JMJD1C: variants seen among roughly 807,000 people sequenced by gnomAD.
JMJD1C encodes jumonji domain-containing protein 1C.
In JMJD1C, 31 loss-of-function variants were observed where a neutral mutation model predicts 245.3. The observed-to-expected ratio is 0.13, with a 90% confidence interval of 0.09 to 0.17. The LOEUF (loss-of-function observed/expected upper bound fraction) is 0.17. Among genes scored for constraint, JMJD1C ranks in the 10% least tolerant of loss-of-function variants. The probability of loss-of-function intolerance (pLI) is 1.00; values close to 1 mark genes in which losing one functional copy is unlikely to be tolerated. For missense variants in JMJD1C, 2,691 were observed against 3,000.2 expected (o/e 0.90, Z 2.41); for synonymous variants, 1,057 against 1,017.4 (o/e 1.04, Z -0.74).
At chr10:63,458,731 A>ATTTAT (rs1554944508) in intron 1 of JMJD1C, among the ~76,000 whole-genome samples, 25,824 of 145,248 alleles carry the variant, frequency 0.18, 3,568 homozygotes, top group East Asian at 0.58. Context: ...TTATTTATTT[A>ATTTAT]TTTTTTTTTT....
intron 8 of JMJD1C, among the ~76,000 whole-genome samples, chr10:63,209,829 A>G (rs1239337198): frequency 6.6e-6 from 1 of 152,214 alleles, no homozygotes; most frequent in Admixed American, 6.5e-5. Flanking sequence ...ATACATCAAT[A>G]TGCTGCCTGT....
At chr10:63,184,218 C>G (rs1331199780) in intron 21 of JMJD1C, among the ~76,000 whole-genome samples, 2 of 149,978 alleles carry the variant, frequency 1.3e-5, no homozygotes, top group Non-Finnish European at 3.0e-5. Flanking sequence ...CATGGGCCAC[C>G]ACGCCCATCC....
chr10:63,509,314 G>A (rs1485844418), intron 1 of JMJD1C, among the ~76,000 whole-genome samples: 3 of 152,144 alleles, frequency 2.0e-5, no homozygotes, highest in African/African-American at 7.2e-5. Flanking sequence ...TACATTTTTG[G>A]ATCAAATTTG....
intron 1 of JMJD1C, among the ~76,000 whole-genome samples, chr10:63,463,657 G>A (rs575648300): frequency 6.6e-6 from 1 of 152,128 alleles, no homozygotes; most frequent in Non-Finnish European, 1.5e-5. Context: ...AATAAAGACA[G>A]ATTAAAAAAA....
chr10:63,287,756 C>CTT (rs376923782), intron 2 of JMJD1C, among the ~76,000 whole-genome samples: 1 of 148,518 alleles, frequency 6.7e-6, no homozygotes, highest in African/African-American at 2.5e-5. Context: ...TTTTCTTTTT[C>CTT]TTTTTTTTTT....
Position 63,273,603 on chromosome 10 carries a change from T to C in JMJD1C, c.334-8839A>G, listed in dbSNP as rs1481487530. The stretch of plus-strand genomic sequence containing the variant: ...GATTGTTCTTATGGCTTATACCTTC[T>C]TTACTAGACTGAGGTAAAAAGGTGA... On this transcript the variant is annotated intron_variant, in intron 2 of 25. Coordinates refer to ENST00000399262, the MANE Select transcript of JMJD1C (RefSeq NM_032776.3). 3.3e-5 allele frequency among the ~76,000 whole-genome samples: 5 copies of C among 152,350 alleles called. 1 individual carries two copies. Among genetic ancestry groups the C allele is most frequent in the Middle Eastern group, 6.8e-3 (2 of 294 alleles).
At chr10:63,204,128 A>C (rs1198685414) in intron 10 of JMJD1C, 1 of 969,054 alleles carries the variant, frequency 1.0e-6, no homozygotes, top group Non-Finnish European at 1.2e-6. Context: ...TGTCTCTAAA[A>C]AATATTTAAG....
intron 2 of JMJD1C, among the ~76,000 whole-genome samples, chr10:63,351,623 G>A (rs1207269800): frequency 1.3e-5 from 2 of 152,058 alleles, no homozygotes; most frequent in African/African-American, 4.8e-5. Context: ...GAGCCTTGTG[G>A]GGAAACAAAA....
chr10:63,380,286 A>G (rs767191581), intron 2 of JMJD1C, 32 bp downstream of exon 2: 3 of 1,609,202 alleles, frequency 1.9e-6, no homozygotes, highest in Non-Finnish European at 2.6e-6. Context: ...CGAACAAATG[A>G]AAATGCTTAA....
chr10:63,368,991 T>C (rs1946080003), intron 2 of JMJD1C, among the ~76,000 whole-genome samples: 1 of 152,136 alleles, frequency 6.6e-6, no homozygotes, highest in South Asian at 2.1e-4. Context: ...GATCATCTAA[T>C]GTATCAGGAA....
chr10:63,382,780 C>G (rs768477009), intron 1 of JMJD1C: 8 of 455,812 alleles, frequency 1.8e-5, no homozygotes, highest in Non-Finnish European at 3.5e-5. Flanking sequence ...AATTCTGCCA[C>G]CCATCTTCTG....
At chr10:63,508,254 T>C (rs967167616) in intron 1 of JMJD1C, among the ~76,000 whole-genome samples, 1 of 152,232 alleles carries the variant, frequency 6.6e-6, no homozygotes, top group African/African-American at 2.4e-5. Flanking sequence ...TTTTCCATTG[T>C]ATTGCCTTTA....
intron 3 of JMJD1C, among the ~76,000 whole-genome samples, chr10:63,244,699 G>C (rs1054805528): frequency 2.6e-5 from 4 of 151,834 alleles, no homozygotes; most frequent in Admixed American, 6.6e-5. Flanking sequence ...AAAATCAGCC[G>C]GGGTGGTGGT....
chr10:63,237,832 G>C (rs1850928556), intron 3 of JMJD1C, among the ~76,000 whole-genome samples: 1 of 151,648 alleles, frequency 6.6e-6, no homozygotes, highest in South Asian at 2.1e-4. Context: ...TTTTGGATTA[G>C]GGATACTCAA....
chr10:63,416,804 G>T (rs1949835248), intron 1 of JMJD1C, among the ~76,000 whole-genome samples: 3 of 152,064 alleles, frequency 2.0e-5, no homozygotes. Flanking sequence ...ATTTTAACCT[G>T]TTTACTGTAT....
intron 2 of JMJD1C, among the ~76,000 whole-genome samples, chr10:63,305,108 C>T (rs906419973): frequency 6.6e-6 from 1 of 152,064 alleles, no homozygotes. Flanking sequence ...GTGGCTCACA[C>T]CTGTAATCCC....
intron 3 of JMJD1C, among the ~76,000 whole-genome samples, chr10:63,262,574 C>G (rs1445070533): frequency 6.6e-6 from 1 of 152,158 alleles, no homozygotes; most frequent in Non-Finnish European, 1.5e-5. Context: ...CAAGTGCTCT[C>G]ATGTTAATTC....
At position 63,168,001 on chromosome 10, in the gene JMJD1C, G is replaced by A. The variant is rs558518610; in HGVS notation, c.*44C>T. 2.7e-6 allele frequency: 3 copies of A among 1,107,010 alleles called. No homozygotes were observed. The highest frequency in any genetic ancestry group is 4.7e-5 in the East Asian group (2 of 42,572). 68.6% of individuals were successfully genotyped at this position (1,107,010 alleles called of 1,614,324 possible). Reference sequence around the variant, plus strand: ...CATACATATCATCATTCAAGGTTAAGTAATCCCAGTTCAACAACCTAAAAA... The same window carrying A: ...CATACATATCATCATTCAAGGTTAAATAATCCCAGTTCAACAACCTAAAAA... On this transcript the variant is annotated 3_prime_UTR_variant, in exon 26 of 26. Transcript: ENST00000399262.
chr10:63,222,850 T>C lies in JMJD1C; in HGVS notation c.448-2867A>G, dbSNP rs545875513. 153 of 1,443,650 alleles carry C rather than the reference T, an allele frequency of 1.1e-4. No homozygotes were observed. The African/African-American group carries it at 1.9e-3, about 18-fold the overall frequency. 89.4% of individuals were successfully genotyped at this position (1,443,650 alleles called of 1,614,324 possible). On this transcript the variant is annotated intron_variant, in intron 3 of 25. Transcript: ENST00000399262. ...CTTGGTGTGGAGTCAAAAGTACACA[T>C]GCTGGATCAAAATATATAAAAACTG... is the stretch of plus-strand genomic sequence containing the variant.
Sources: allele counts gnomAD v4.1 joint callset (sites outside exome capture counted in the v4.1 genomes callset), GRCh38; gene constraint gnomAD v4.1.1; transcripts MANE v1.5; gene names NCBI Gene and HGNC (gene_info 2026-07-23, HGNC 2026-07-21).